Variants in FBXL7 observed in about 807,000 individuals in gnomAD.
FBXL7 encodes the protein F-box/LRR-repeat protein 7.
Under a neutral mutation model 38.3 loss-of-function variants are expected in FBXL7, and 12 were observed. The observed-to-expected ratio is 0.31, with a 90% CI of 0.20 to 0.51. The LOEUF is 0.51. FBXL7 is among the 20% of genes least tolerant of loss of function. FBXL7 has a pLI of 0.98. For missense variants in FBXL7, 567 were observed against 676.4 expected (o/e 0.84, Z 1.79); for synonymous variants, 297 against 300.9 (o/e 0.99, Z 0.13).
chr5:15,813,336 T>A (rs1737920338), intron 2 of FBXL7, among the ~76,000 whole-genome samples: 1 of 152,180 alleles, frequency 6.6e-6, no homozygotes, highest in South Asian at 2.1e-4. Flanking sequence ...AAGGATTCCC[T>A]ATTTAATAAA....
At chr5:15,781,563 C>T (rs917803476) in intron 2 of FBXL7, among the ~76,000 whole-genome samples, 1 of 152,042 alleles carries the variant, frequency 6.6e-6, no homozygotes, top group Non-Finnish European at 1.5e-5. Context: ...ACTTTCTGAG[C>T]ATGTTCTTTA....
intron 1 of FBXL7, among the ~76,000 whole-genome samples, chr5:15,559,286 G>C (rs185874457): frequency 3.9e-5 from 6 of 152,212 alleles, no homozygotes; most frequent in Admixed American, 6.5e-5. Flanking sequence ...AAAGAGTTAT[G>C]GTCCCATTCA....
At chr5:15,518,682 TCCTG>T (rs1481826537) in intron 1 of FBXL7, among the ~76,000 whole-genome samples, 1 of 152,144 alleles carries the variant, frequency 6.6e-6, no homozygotes, top group East Asian at 1.9e-4. Flanking sequence ...CCACATTGGC[TCCTG>T]CACCTTAACT....
At chr5:15,592,229 C>T (rs1739501275) in intron 1 of FBXL7, among the ~76,000 whole-genome samples, 9 of 152,060 alleles carry the variant, frequency 5.9e-5, no homozygotes, top group Admixed American at 5.9e-4. Context: ...TCTATCTGTC[C>T]ATCCTCTGCC....
chr5:15,764,823 C>T (rs554931937), intron 2 of FBXL7, among the ~76,000 whole-genome samples: 1 of 152,344 alleles, frequency 6.6e-6, no homozygotes, highest in East Asian at 1.9e-4. Context: ...GTGTATTTTG[C>T]TGCCTTACCA....
chr5:15,801,032 A>G (rs958806941), intron 2 of FBXL7, among the ~76,000 whole-genome samples: 1 of 152,174 alleles, frequency 6.6e-6, no homozygotes, highest in Non-Finnish European at 1.5e-5. Context: ...ACCTGATGTT[A>G]TGGTCTAAAG....
intron 2 of FBXL7, among the ~76,000 whole-genome samples, chr5:15,809,691 TAGTC>T (rs543770538): frequency 5.0e-4 from 76 of 151,902 alleles, no homozygotes; most frequent in African/African-American, 1.8e-3. Flanking sequence ...AGACCAGTGA[TAGTC>T]AGTTTACAGC....
intron 2 of FBXL7, among the ~76,000 whole-genome samples, chr5:15,746,927 T>A (rs1474492013): frequency 6.6e-6 from 1 of 152,170 alleles, no homozygotes; most frequent in Non-Finnish European, 1.5e-5. Context: ...AAAATTATTC[T>A]GTCAAATTGC....
At chr5:15,782,916 A>C (rs937763580) in intron 2 of FBXL7, among the ~76,000 whole-genome samples, 20 of 152,184 alleles carry the variant, frequency 1.3e-4, no homozygotes, top group Non-Finnish European at 1.8e-4. Context: ...AAATTTATTT[A>C]GTAGAATGGC....
In FBXL7 at chr5:15,726,958, T is replaced by A. The variant is rs913361696; in HGVS notation, c.127+110886T>A. On this transcript the variant is annotated intron_variant, in intron 2 of 3. Transcript: ENST00000504595. ...GTTTAGTTGATTTTTTGTGGTGTAATGTTTACTTTCTGTCATATCCTTTTG... is the reference window on the plus strand; with the variant it reads ...GTTTAGTTGATTTTTTGTGGTGTAAAGTTTACTTTCTGTCATATCCTTTTG... Among the ~76,000 whole-genome samples, 6 of 152,272 alleles carry A rather than the reference T, an allele frequency of 3.9e-5. 2 individuals are homozygous for A. The highest frequency in any genetic ancestry group is 3.9e-4 in the Admixed American group (6 of 15,306).
chr5:15,895,633 C>CTTTT (rs903652361), intron 2 of FBXL7, among the ~76,000 whole-genome samples: 12 of 98,062 alleles, frequency 1.2e-4, no homozygotes, highest in East Asian at 3.2e-4. Context: ...CTTTTTCATA[C>CTTTT]TTTTTTTTTT....
chr5:15,550,513 G>A (rs1738034607), intron 1 of FBXL7, among the ~76,000 whole-genome samples: 1 of 142,940 alleles, frequency 7.0e-6, no homozygotes, highest in Admixed American at 6.8e-5. Flanking sequence ...AAAGAGCCAA[G>A]GAGAACTGCA....
chr5:15,625,610 C>T (rs1378718208), intron 2 of FBXL7, among the ~76,000 whole-genome samples: 2 of 152,160 alleles, frequency 1.3e-5, no homozygotes, highest in Non-Finnish European at 2.9e-5. Flanking sequence ...GCCAACATTA[C>T]ACCACTGCAC....
chr5:15,620,349 C>G lies in FBXL7; in HGVS notation c.127+4277C>G, dbSNP rs375230507. Among the ~76,000 whole-genome samples the G allele has an allele frequency of 2.5e-4, 37 of 150,842 alleles. No homozygotes were observed. In the South Asian group the frequency reaches 7.1e-3, roughly 29 times the overall value. ...CCAGGTTCAAGCGATTCTCCTGCCT[C>G]AGCCTCCCGAGTAGCTGGGATTACA... On this transcript the variant is annotated intron_variant, in intron 2 of 3. Transcript: ENST00000504595.
intron 1 of FBXL7, among the ~76,000 whole-genome samples, chr5:15,588,349 G>A (rs1021378795): frequency 6.6e-6 from 1 of 151,868 alleles, no homozygotes; most frequent in Non-Finnish European, 1.5e-5. Context: ...TCATCACACA[G>A]AGAAACTGTG....
chr5:15,689,195 C>T (rs1245276734), intron 2 of FBXL7, among the ~76,000 whole-genome samples: 1 of 152,016 alleles, frequency 6.6e-6, no homozygotes. Context: ...AGTTTTCTTC[C>T]TTCTTGTTCC....
intron 2 of FBXL7, among the ~76,000 whole-genome samples, chr5:15,678,704 G>A (rs1742739475): frequency 6.6e-6 from 1 of 152,164 alleles, no homozygotes; most frequent in African/African-American, 2.4e-5. Context: ...TAAGTCTCAT[G>A]AGATCTGATG....
chr5:15,541,543 CTTT>C (rs1173509531), intron 1 of FBXL7, among the ~76,000 whole-genome samples: 2 of 91,346 alleles, frequency 2.2e-5, no homozygotes, highest in Admixed American at 1.2e-4. Flanking sequence ...ACTCACTCCT[CTTT>C]TTTTTTTTTT....
chr5:15,660,654 G>C (rs370981366), intron 2 of FBXL7, among the ~76,000 whole-genome samples: 9 of 152,256 alleles, frequency 5.9e-5, no homozygotes, highest in East Asian at 5.8e-4. Context: ...CACCGTGCCT[G>C]GCCCATTGTA....
Sources: allele counts gnomAD v4.1 joint callset (sites outside exome capture counted in the v4.1 genomes callset), GRCh38; gene constraint gnomAD v4.1.1; transcripts MANE v1.5; gene names NCBI Gene and HGNC (gene_info 2026-07-23, HGNC 2026-07-21).